The following NCAM2 variants were observed in gnomAD, a reference collection of about 807,000 sequenced individuals.
The protein encoded by NCAM2 is N-CAM-2.
NCAM2 carries 30 observed loss-of-function variants against 98.1 expected under a neutral mutation model. The observed-to-expected ratio is 0.31, with a 90% CI of 0.23 to 0.41. The LOEUF is 0.41. NCAM2 is among the 10% of genes least tolerant of loss of function. NCAM2 has a pLI of 1.00. For synonymous variants in NCAM2, 368 were observed against 342.4 expected, an observed-to-expected ratio of 1.07 and a Z score of -0.83; for missense variants, 867 against 1,005.8, an observed-to-expected ratio of 0.86 and a Z score of 1.87.
chr21:21,116,006 A>T (rs891356753), intron 1 of NCAM2, among the ~76,000 whole-genome samples: 1 of 111,926 alleles, frequency 8.9e-6, no homozygotes, highest in African/African-American at 3.7e-5. Context: ...TCTGTCTTTC[A>T]TGCTGAGATT....
chr21:21,154,508 A>G (rs1214371609), intron 1 of NCAM2, among the ~76,000 whole-genome samples: 1 of 151,712 alleles, frequency 6.6e-6, no homozygotes, highest in Non-Finnish European at 1.5e-5. Context: ...ATAAAATGAT[A>G]TGGTATCTCA....
chr21:21,010,102 G>C (rs1445634347), intron 1 of NCAM2, among the ~76,000 whole-genome samples: 1 of 151,960 alleles, frequency 6.6e-6, no homozygotes, highest in Non-Finnish European at 1.5e-5. Context: ...AACACAGTTT[G>C]CAATTAAAGA....
At chr21:21,179,626 G>A (rs867167491) in intron 1 of NCAM2, among the ~76,000 whole-genome samples, 3 of 152,014 alleles carry the variant, frequency 2.0e-5, no homozygotes, top group Non-Finnish European at 2.9e-5. Flanking sequence ...TTTTGTATCC[G>A]GACTGTTTTA....
chr21:21,502,968 G>T (rs1987732170), intron 15 of NCAM2, among the ~76,000 whole-genome samples: 1 of 151,888 alleles, frequency 6.6e-6, no homozygotes, highest in South Asian at 2.1e-4. Context: ...GAGTCAAAAA[G>T]CATGGCTAGT....
At chr21:21,429,748 T>C (rs1048745855) in intron 11 of NCAM2, among the ~76,000 whole-genome samples, 1 of 152,210 alleles carries the variant, frequency 6.6e-6, no homozygotes, top group South Asian at 2.1e-4. Flanking sequence ...GTTCTAAGAC[T>C]TTTGGATGCA....
chr21:21,173,419 A>G (rs1160409957), intron 1 of NCAM2, among the ~76,000 whole-genome samples: 1 of 152,204 alleles, frequency 6.6e-6, no homozygotes, highest in African/African-American at 2.4e-5. Context: ...AAGGTTGTCA[A>G]TAGCAATGAA....
chr21:21,273,223 G>C (rs1219373981), intron 1 of NCAM2, among the ~76,000 whole-genome samples: 1 of 152,096 alleles, frequency 6.6e-6, no homozygotes, highest in South Asian at 2.1e-4. Flanking sequence ...CCTTATAGTA[G>C]TATCTACTTT....
At chr21:21,498,288 T>A (rs1453575577) in intron 15 of NCAM2, among the ~76,000 whole-genome samples, 1 of 152,200 alleles carries the variant, frequency 6.6e-6, no homozygotes, top group Non-Finnish European at 1.5e-5. Flanking sequence ...AGCATTATTA[T>A]TTTTAATATT....
intron 1 of NCAM2, among the ~76,000 whole-genome samples, chr21:21,278,788 TTTTA>T (rs904730868): frequency 3.3e-5 from 5 of 152,078 alleles, no homozygotes; most frequent in African/African-American, 1.2e-4. Context: ...ATTACCAGGG[TTTTA>T]TTTATTTATT....
At chr21:21,093,706 T>C (rs1569015594) in intron 1 of NCAM2, among the ~76,000 whole-genome samples, 1 of 152,030 alleles carries the variant, frequency 6.6e-6, no homozygotes, top group African/African-American at 2.4e-5. Context: ...GGTGAAGTCA[T>C]AAGCATCTTA....
chr21:21,424,693 G>T (rs2077177366), intron 11 of NCAM2, among the ~76,000 whole-genome samples: 1 of 152,088 alleles, frequency 6.6e-6, no homozygotes, highest in Non-Finnish European at 1.5e-5. Flanking sequence ...TGTTGGTAAT[G>T]TGCTTAGAGA....
chr21:21,516,112 A>G (rs1030569161), intron 16 of NCAM2, among the ~76,000 whole-genome samples: 1 of 152,136 alleles, frequency 6.6e-6, no homozygotes, highest in African/African-American at 2.4e-5. Context: ...AACAAAAGGA[A>G]CAAAAGGCAT....
Position 21,080,833 on chromosome 21 carries a change from C to T in NCAM2, c.55+82215C>T, listed in dbSNP as rs114832380. Among the ~76,000 whole-genome samples the T allele has an allele frequency of 3.2e-3, 480 of 152,086 alleles. 8 individuals are homozygous for T. The highest frequency in any genetic ancestry group is 0.011 in the African/African-American group (455 of 41,496). On this transcript the variant is annotated intron_variant, in intron 1 of 17. Transcript: ENST00000400546. ...TGTCTTCAGCAAACCTCAGTTCTTG[C>T]CTCCTCAGAAGAAAATGTTCGACCA...
At chr21:21,374,490 G>A (rs147996763) in intron 9 of NCAM2, among the ~76,000 whole-genome samples, 1 of 151,844 alleles carries the variant, frequency 6.6e-6, no homozygotes, top group African/African-American at 2.4e-5. Context: ...TATCAAAATA[G>A]TGTTTATTTT....
chr21:21,141,047 A>G (rs1259049697), intron 1 of NCAM2, among the ~76,000 whole-genome samples: 1 of 152,228 alleles, frequency 6.6e-6, no homozygotes, highest in East Asian at 1.9e-4. Flanking sequence ...AGGAAGCAGT[A>G]GTATCCTAAA....
chr21:21,529,664 T>C (rs1161776174), intron 16 of NCAM2, among the ~76,000 whole-genome samples: 1 of 151,976 alleles, frequency 6.6e-6, no homozygotes, highest in Non-Finnish European at 1.5e-5. Flanking sequence ...TATTAATTAA[T>C]CAATAATATC....
intron 1 of NCAM2, among the ~76,000 whole-genome samples, chr21:21,084,889 A>T (rs2146422139): frequency 6.6e-6 from 1 of 152,280 alleles, no homozygotes; most frequent in East Asian, 1.9e-4. Flanking sequence ...TTTGTACTTG[A>T]AAGTCTTGCT....
intron 16 of NCAM2, among the ~76,000 whole-genome samples, chr21:21,516,983 C>T (rs1402705099): frequency 6.6e-6 from 1 of 152,134 alleles, no homozygotes; most frequent in African/African-American, 2.4e-5. Flanking sequence ...AAATAAATGT[C>T]TGCGTCTGGT....
At chr21:21,411,868 G>T (rs1305448085) in intron 10 of NCAM2, among the ~76,000 whole-genome samples, 1 of 152,118 alleles carries the variant, frequency 6.6e-6, no homozygotes, top group Non-Finnish European at 1.5e-5. Flanking sequence ...TAATTAAACC[G>T]CTATGTCTAA....
Sources: gnomAD v4.1 joint callset for allele counts (sites outside exome capture counted in the v4.1 genomes callset) on GRCh38, gnomAD v4.1.1 for gene constraint, MANE v1.5 for transcripts, NCBI Gene and HGNC (gene_info 2026-07-23, HGNC 2026-07-21) for gene names.